TCF20: variants seen among roughly 807,000 people sequenced by gnomAD.
TCF20 encodes SPRE-binding protein.
A neutral mutation model predicts 148.6 loss-of-function variants in TCF20; 3 were observed. The ratio of observed to expected loss-of-function variants is 0.02; its 90% CI spans 0.01 to 0.05. The LOEUF (loss-of-function observed/expected upper bound fraction) is 0.05, where lower values mean the gene tolerates loss of function less well. Ranked by LOEUF, TCF20 falls within the 10% of genes least tolerant of loss-of-function variation. The pLI is 1.00. For synonymous variants in TCF20, 1,049 were observed against 909.5 expected, an observed-to-expected ratio of 1.15 and a Z score of -2.76; for missense variants, 2,350 against 2,429.3, an observed-to-expected ratio of 0.97 and a Z score of 0.69.
intron 1 of TCF20, among the ~76,000 whole-genome samples, chr22:42,251,047 C>G (rs190059931): frequency 1.8e-4 from 27 of 152,302 alleles, no homozygotes; most frequent in Non-Finnish European, 3.7e-4. Context: ...CCAATCACCT[C>G]CTACCAGCCT....
In TCF20 at chr22:42,209,830, G is replaced by A. The variant is rs1669329962; in HGVS notation, c.5476C>T (p.Pro1826Ser). The A allele has an allele frequency of 6.2e-7, 1 of 1,614,176 alleles. No individual in the cohort carries two copies. Among genetic ancestry groups the A allele is most frequent in the African/African-American group, 1.3e-5 (1 of 75,038 alleles). Residue 1826 changes from proline (P) to serine (S), a missense_variant, in exon 2 of 6, where the codon CCC becomes TCC. By Grantham distance (74) the Pro-to-Ser change is moderately conservative (BLOSUM62 -1). Around this residue, in one of 7 missense-constraint regions of TCF20, gnomAD observed 374 missense variants for 398.3 expected, o/e 0.94. Coordinates refer to ENST00000677622, the MANE Select transcript of TCF20 (RefSeq NM_001378418.1). ...CCTTCTGAAGTGGTGGGCACGGAGG[G>A]CTTCGAGTCCAAAACAGTCTTTTCA... Reference protein sequence around the residue: ...SSEKTVLDSKPSVPTTSEGGP... With the variant: ...SSEKTVLDSKSSVPTTSEGGP...
chr22:42,326,121 G>T (rs1927870824), intron 1 of TCF20, among the ~76,000 whole-genome samples: 2 of 152,046 alleles, frequency 1.3e-5, no homozygotes, highest in African/African-American at 4.8e-5. Context: ...AGGAGAGGAA[G>T]GAGCCATCCT....
Position 42,249,250 on chromosome 22 carries a change from G to A in TCF20, c.-37+21089C>T, listed in dbSNP as rs140777482. 2.6e-3 allele frequency among the ~76,000 whole-genome samples: 392 copies of A among 152,282 alleles called. 3 individuals are homozygous for A. The highest frequency in any genetic ancestry group is 8.9e-3 in the African/African-American group (368 of 41,556). ...TCTGAGGCCTTTGGATTTGGACTGA[G>A]GTATGCTACTGGCATCCCAGGGTCT... is the stretch of plus-strand genomic sequence containing the variant. On this transcript the variant is annotated intron_variant, in intron 1 of 5. Coordinates refer to ENST00000677622, the MANE Select transcript of TCF20 (RefSeq NM_001378418.1).
intron 1 of TCF20, among the ~76,000 whole-genome samples, chr22:42,239,663 C>T (rs1924219286): frequency 6.6e-6 from 1 of 152,058 alleles, no homozygotes; most frequent in Non-Finnish European, 1.5e-5. Flanking sequence ...TGGTGCACAC[C>T]TGTAATCCCA....
In TCF20 at chr22:42,209,785, G is replaced by T. The variant is rs2147193882; in HGVS notation, c.5521C>A (p.Gln1841Lys). The T allele has an allele frequency of 1.2e-6, 2 of 1,614,184 alleles. No individual in the cohort carries two copies. Among genetic ancestry groups the T allele is most frequent in the South Asian group, 1.1e-5 (1 of 91,080 alleles). The stretch of plus-strand genomic sequence containing the variant: ...CTGTCAAGAGGTAGTTCAGGGATTT[G>T]TAACTCCAGCTCAGGGCCACCTTCT... Reference protein sequence around the residue: ...TSEGGPELELQIPELPLDSNE... With the variant: ...TSEGGPELELKIPELPLDSNE... The change falls in exon 2 of 6, where the codon CAA becomes AAA. Residue 1841 changes from glutamine to lysine, a missense_variant. Coordinates refer to ENST00000677622, the MANE Select transcript of TCF20 (RefSeq NM_001378418.1).
At chr22:42,198,762 C>T (rs1022099347) in intron 2 of TCF20, among the ~76,000 whole-genome samples, 3 of 151,364 alleles carry the variant, frequency 2.0e-5, no homozygotes, top group African/African-American at 7.3e-5. Flanking sequence ...CCTGGGTTCA[C>T]GCCATTCTCC....
chr22:42,226,881 T>C (rs1458580609), intron 1 of TCF20, among the ~76,000 whole-genome samples: 1 of 151,916 alleles, frequency 6.6e-6, no homozygotes, highest in Non-Finnish European at 1.5e-5. Context: ...GCAGAACAAA[T>C]GGTATAGCTA....
At chr22:42,262,566 C>G (rs1013527004) in intron 1 of TCF20, among the ~76,000 whole-genome samples, 1 of 152,044 alleles carries the variant, frequency 6.6e-6, no homozygotes, top group African/African-American at 2.4e-5. Context: ...AGACATCTAG[C>G]TGAAGATGTG....
At chr22:42,303,132 G>A (rs999972064) in intron 1 of TCF20, among the ~76,000 whole-genome samples, 3 of 152,232 alleles carry the variant, frequency 2.0e-5, no homozygotes, top group Admixed American at 6.5e-5. Flanking sequence ...GTTTCACCAT[G>A]TTGGCCAGGC....
intron 1 of TCF20, among the ~76,000 whole-genome samples, chr22:42,283,458 C>A (rs558214363): frequency 2.0e-5 from 3 of 152,056 alleles, no homozygotes; most frequent in African/African-American, 7.2e-5. Flanking sequence ...GACTGTGACC[C>A]GGGGCCCTGC....
At chr22:42,341,622 C>T (rs1219776954) in intron 1 of TCF20, among the ~76,000 whole-genome samples, 7 of 152,110 alleles carry the variant, frequency 4.6e-5, no homozygotes, top group Admixed American at 3.9e-4. Context: ...AAGGGGATTC[C>T]GAGAGCCCTG....
chr22:42,300,148 A>G (rs1927310652), intron 1 of TCF20, among the ~76,000 whole-genome samples: 1 of 152,192 alleles, frequency 6.6e-6, no homozygotes, highest in South Asian at 2.1e-4. Context: ...TCAGGGGGTT[A>G]GGGGAATGCG....
At chr22:42,249,432 G>A (rs1246288293) in intron 1 of TCF20, among the ~76,000 whole-genome samples, 1 of 152,230 alleles carries the variant, frequency 6.6e-6, no homozygotes, top group Non-Finnish European at 1.5e-5. Context: ...GGGAAGCTGA[G>A]TATCAGTTCT....
chr22:42,248,271 T>G (rs1456396919), intron 1 of TCF20, among the ~76,000 whole-genome samples: 1 of 152,152 alleles, frequency 6.6e-6, no homozygotes, highest in African/African-American at 2.4e-5. Flanking sequence ...AAGTATACAT[T>G]TTACACTAAA....
At chr22:42,232,930 GTTTGT>G (rs1057404233) in intron 1 of TCF20, among the ~76,000 whole-genome samples, 7 of 151,302 alleles carry the variant, frequency 4.6e-5, no homozygotes, top group African/African-American at 1.2e-4. Context: ...AATATTTTTT[GTTTGT>G]TTTGAGACAG....
At chr22:42,161,516 T>C (rs1181583970) in intron 5 of TCF20, among the ~76,000 whole-genome samples, 158 bp from the exon 6 acceptor site, 1 of 152,058 alleles carries the variant, frequency 6.6e-6, no homozygotes, top group African/African-American at 2.4e-5. Context: ...CCGAGACCAA[T>C]GCCAGGGCCA....
At chr22:42,182,564 A>G (rs1002175198) in intron 2 of TCF20, among the ~76,000 whole-genome samples, 1 of 152,184 alleles carries the variant, frequency 6.6e-6, no homozygotes, top group Non-Finnish European at 1.5e-5. Context: ...GCAGTGTGCA[A>G]ACTCCACTAT....
chr22:42,332,946 G>A (rs536935762), intron 1 of TCF20, among the ~76,000 whole-genome samples: 37 of 152,216 alleles, frequency 2.4e-4, no homozygotes, highest in Non-Finnish European at 4.4e-4. Context: ...GGAGCACGGG[G>A]GAGCCTCCAG....
chr22:42,221,450 T>C (rs62240933), intron 1 of TCF20, among the ~76,000 whole-genome samples: 6,527 of 152,320 alleles, frequency 0.043, 201 homozygotes, highest in Non-Finnish European at 0.071. Flanking sequence ...ACTGGGACCC[T>C]GACTGATAAG....
Sources: gnomAD v4.1 joint callset for allele counts (sites outside exome capture counted in the v4.1 genomes callset) on GRCh38, gnomAD v4.1.1 for gene constraint, gnomAD v4.1.1 regional missense constraint, MANE v1.5 for transcripts, NCBI Gene and HGNC (gene_info 2026-07-23, HGNC 2026-07-21) for gene names.